The following FOXN3 variants were observed in gnomAD, a reference collection of about 807,000 sequenced individuals.
FOXN3 encodes the protein forkhead box protein N3.
FOXN3 carries 7 observed loss-of-function variants against 38.4 expected under a neutral mutation model. The observed-to-expected ratio is 0.18, with a 90% CI of 0.10 to 0.34. FOXN3 has a LOEUF of 0.34. Among genes scored for constraint, FOXN3 ranks in the 10% least tolerant of loss-of-function variants. The pLI, the probability that FOXN3 is intolerant of heterozygous loss-of-function variation, is 1.00. For missense variants in FOXN3, 456 were observed against 613.4 expected (o/e 0.74, Z 2.71); for synonymous variants, 230 against 242.2 (o/e 0.95, Z 0.47).
chr14:89,411,495 TCTC>T (rs1891544638), intron 2 of FOXN3, among the ~76,000 whole-genome samples: 1 of 152,152 alleles, frequency 6.6e-6, no homozygotes, highest in Non-Finnish European at 1.5e-5. Context: ...AAATTTCCCT[TCTC>T]CTAGTTCATA....
At position 89,362,786 on chromosome 14, in the gene FOXN3, C is replaced by CCAA. The variant is rs1566968517; in HGVS notation, c.544-11979_544-11978insTTG. Among the ~76,000 whole-genome samples, 74 of 112,076 alleles carry CCAA rather than the reference C, an allele frequency of 6.6e-4. 2 individuals are homozygous for CCAA. Among genetic ancestry groups the CCAA allele is most frequent in the Middle Eastern group, 9.3e-3 (2 of 216 alleles). 73.5% of individuals were successfully genotyped at this position (112,076 alleles called of 152,430 possible). A position where few individuals can be genotyped will look rare whatever the true frequency, so the allele number is the denominator to read the frequency against. On this transcript the variant is annotated intron_variant, in intron 2 of 5. Coordinates refer to ENST00000557258, the MANE Select transcript of FOXN3 (RefSeq NM_005197.4). Reference sequence around the variant, plus strand: ...ACCACCACCACCACCACCACCACCACCACCATCTCCACCACCACCTCCACC... The same window carrying CCAA: ...ACCACCACCACCACCACCACCACCACCAACACCATCTCCACCACCACCTCCACC...
At chr14:89,582,720 T>C (rs1050627183) in intron 1 of FOXN3, among the ~76,000 whole-genome samples, 1 of 152,190 alleles carries the variant, frequency 6.6e-6, no homozygotes, top group Admixed American at 6.5e-5. Context: ...TGTGAAACCA[T>C]CACCATGATC....
intron 2 of FOXN3, among the ~76,000 whole-genome samples, chr14:89,385,095 A>G (rs1414604357): frequency 2.6e-5 from 4 of 152,208 alleles, no homozygotes; most frequent in African/African-American, 9.7e-5. Flanking sequence ...TATTAGGTCA[A>G]GAATTTGGAA....
chr14:89,562,542 G>C (rs777657699), intron 1 of FOXN3, among the ~76,000 whole-genome samples: 1 of 152,098 alleles, frequency 6.6e-6, no homozygotes, highest in Non-Finnish European at 1.5e-5. Flanking sequence ...TTACGGGTGT[G>C]AGCCACCGTG....
chr14:89,523,583 T>C (rs1432190314), intron 1 of FOXN3, among the ~76,000 whole-genome samples: 3 of 151,988 alleles, frequency 2.0e-5, no homozygotes, highest in Non-Finnish European at 4.4e-5. Context: ...AAATAACACA[T>C]CTCTAAATAA....
In FOXN3 at chr14:89,222,036, A is replaced by G. The variant is rs180810674; in HGVS notation, c.746-41230T>C. On this transcript the variant is annotated intron_variant, in intron 4 of 5. Coordinates refer to ENST00000557258, the MANE Select transcript of FOXN3 (RefSeq NM_005197.4). The stretch of plus-strand genomic sequence containing the variant: ...ACGGGGTTTCACCGCGTTAGCCAGG[A>G]TAGTCTCCTGACCTCGTGATCTGCC... Among the ~76,000 whole-genome samples, 12 of 152,118 alleles carry G rather than the reference A, an allele frequency of 7.9e-5. No homozygotes were observed. In the East Asian group the frequency reaches 2.1e-3, roughly 27 times the overall value.
In FOXN3 at chr14:89,599,853, G is replaced by T. The variant is rs1348800349; in HGVS notation, c.-15+19175C>A. On this transcript the variant is annotated intron_variant, in intron 1 of 6. Coordinates refer to the FOXN3 transcript ENST00000345097. ...TACTAGGGCTTCTGCCTTTTCACAG[G>T]ACCTAAATACAATTACCACACCCTC... is the stretch of plus-strand genomic sequence containing the variant. Among the ~76,000 whole-genome samples the T allele has an allele frequency of 3.3e-5, 5 of 152,226 alleles. No homozygotes were observed. In the East Asian group the frequency reaches 9.7e-4, roughly 29 times the overall value.
At chr14:89,318,162 CTT>C (rs10624729) in intron 3 of FOXN3, among the ~76,000 whole-genome samples, 3 of 127,478 alleles carry the variant, frequency 2.4e-5, no homozygotes, top group Admixed American at 8.6e-5. Flanking sequence ...TTCTTCTTCT[CTT>C]TTTTTTTTTT....
intron 4 of FOXN3, among the ~76,000 whole-genome samples, chr14:89,207,781 T>C (rs1490534746): frequency 2.6e-5 from 4 of 152,176 alleles, no homozygotes; most frequent in African/African-American, 9.7e-5. Flanking sequence ...ACAGGGCCCA[T>C]AACATGGAGC....
intron 1 of FOXN3, among the ~76,000 whole-genome samples, chr14:89,424,973 G>A (rs1254059632): frequency 6.6e-6 from 1 of 151,842 alleles, no homozygotes; most frequent in Non-Finnish European, 1.5e-5. Context: ...ATGCTTATCT[G>A]ATACAAGAGG....
At chr14:89,563,857 T>C (rs532741998) in intron 1 of FOXN3, among the ~76,000 whole-genome samples, 2 of 152,186 alleles carry the variant, frequency 1.3e-5, no homozygotes, top group Non-Finnish European at 2.9e-5. Flanking sequence ...CAGAAGGTTT[T>C]GGTTTTTTTT....
At chr14:89,438,676 T>A (rs7144978) in intron 1 of FOXN3, among the ~76,000 whole-genome samples, 15,036 of 152,280 alleles carry the variant, frequency 0.099, 809 homozygotes, top group Non-Finnish European at 0.12. Context: ...TGTAAGGTTG[T>A]CAGTTTCTTA....
At chr14:89,416,286 G>A (rs1016676752) in intron 1 of FOXN3, among the ~76,000 whole-genome samples, 11 of 152,226 alleles carry the variant, frequency 7.2e-5, no homozygotes, top group South Asian at 2.1e-4. Flanking sequence ...CAGGGCAATT[G>A]GGAGCTCGCA....
At chr14:89,542,481 A>G (rs1358852293) in intron 1 of FOXN3, among the ~76,000 whole-genome samples, 1 of 152,234 alleles carries the variant, frequency 6.6e-6, no homozygotes, top group Admixed American at 6.5e-5. Context: ...ACTTTTCACA[A>G]TTAATAAAGT....
chr14:89,363,987 T>TATATATATAA (rs1890041958), intron 2 of FOXN3, among the ~76,000 whole-genome samples: 1 of 67,170 alleles, frequency 1.5e-5, no homozygotes, highest in African/African-American at 7.7e-5. Flanking sequence ...TATATATATA[T>TATATATATAA]AATATATATA....
chr14:89,611,281 AAGG>A (rs2139954743), intron 1 of FOXN3, among the ~76,000 whole-genome samples: 1 of 152,342 alleles, frequency 6.6e-6, no homozygotes, highest in East Asian at 1.9e-4. Context: ...GAAAGAAATC[AAGG>A]AGATGTCAGT....
chr14:89,306,342 A>G (rs1887372601), intron 3 of FOXN3, among the ~76,000 whole-genome samples: 1 of 150,400 alleles, frequency 6.6e-6, no homozygotes, highest in Non-Finnish European at 1.5e-5. Flanking sequence ...ATGCACACAC[A>G]CACACACACA....
At chr14:89,454,214 G>C (rs545951550) in intron 1 of FOXN3, among the ~76,000 whole-genome samples, 10 of 152,208 alleles carry the variant, frequency 6.6e-5, no homozygotes, top group Non-Finnish European at 1.5e-4. Context: ...TGAGGTTTGA[G>C]AATCGCTTGA....
intron 1 of FOXN3, among the ~76,000 whole-genome samples, chr14:89,444,244 A>C (rs892346011): frequency 1.3e-5 from 2 of 151,702 alleles, no homozygotes; most frequent in African/African-American, 2.4e-5. Context: ...AAATTGAAAC[A>C]CAGGAAATAG....
Sources: allele counts gnomAD v4.1 joint callset (sites outside exome capture counted in the v4.1 genomes callset), GRCh38; gene constraint gnomAD v4.1.1; transcripts MANE v1.5; gene names NCBI Gene and HGNC (gene_info 2026-07-23, HGNC 2026-07-21).